SLC10A6: variants seen among roughly 807,000 people sequenced by gnomAD.
SLC10A6 encodes sodium-dependent organic anion transporter.
Under a neutral mutation model 30.0 loss-of-function variants are expected in SLC10A6, and 27 were observed. The observed-to-expected ratio is 0.90, with a 90% CI of 0.66 to 1.24. The LOEUF (loss-of-function observed/expected upper bound fraction) is 1.24. Among genes scored for constraint, SLC10A6 ranks in the 50% most tolerant of loss-of-function variants. The pLI, the probability that SLC10A6 is intolerant of heterozygous loss-of-function variation, is 0.00. For synonymous variants in SLC10A6, 166 were observed against 173.8 expected (o/e 0.95, Z 0.36); for missense variants, 439 against 457.0 (o/e 0.96, Z 0.36).
intron 3 of SLC10A6, among the ~76,000 whole-genome samples, chr4:86,829,420 T>A (rs531239207): frequency 7.3e-5 from 11 of 151,328 alleles, no homozygotes; most frequent in African/African-American, 2.4e-4. Flanking sequence ...AAAAAAAAAA[T>A]GAAAGAAAGA....
At chr4:86,831,406 C>A (rs1473124216) in intron 3 of SLC10A6, among the ~76,000 whole-genome samples, 3 of 152,196 alleles carry the variant, frequency 2.0e-5, no homozygotes, top group Non-Finnish European at 4.4e-5. Context: ...TTCCAAGAAA[C>A]CAGCCATATT....
chr4:86,839,878 T>A (rs920869788), intron 1 of SLC10A6, among the ~76,000 whole-genome samples: 28 of 151,962 alleles, frequency 1.8e-4, no homozygotes, highest in African/African-American at 6.3e-4. Context: ...CATTGAAAAA[T>A]TGATCTCACT....
At chr4:86,831,005 C>T (rs1202025945) in intron 3 of SLC10A6, among the ~76,000 whole-genome samples, 2 of 152,140 alleles carry the variant, frequency 1.3e-5, no homozygotes, top group Non-Finnish European at 2.9e-5. Context: ...TGGGGTCTCA[C>T]TCTGTGATCC....
chr4:86,849,198 G>C lies in SLC10A6; in HGVS notation c.-83C>G. The C allele has an allele frequency of 1.4e-6, 2 of 1,461,520 alleles. No individual in the cohort carries two copies. Among genetic ancestry groups the C allele is most frequent in the Non-Finnish European group, 1.8e-6 (2 of 1,084,894 alleles). The allele number at this position is 1,461,520 out of a possible 1,614,324, so 90.5% of individuals were successfully genotyped here. ...GTCTATCCTGCCACATTTTGTAATA[G>C]TGCAACGAAGTCACACATGGAGAAT... On this transcript the variant is annotated 5_prime_UTR_variant, in exon 1 of 6. Transcript: ENST00000273905.
intron 4 of SLC10A6, 25 bp downstream of exon 4, chr4:86,827,968 A>T: frequency 6.3e-7 from 1 of 1,599,232 alleles, no homozygotes; most frequent in Non-Finnish European, 8.5e-7. Flanking sequence ...TTCCTCAAAA[A>T]AGTTTATGGA....
chr4:86,843,715 C>T (rs1746345640), intron 1 of SLC10A6, among the ~76,000 whole-genome samples: 1 of 152,138 alleles, frequency 6.6e-6, no homozygotes, highest in African/African-American at 2.4e-5. Context: ...GCTCCTTGAG[C>T]AGGGACTAAA....
intron 1 of SLC10A6, among the ~76,000 whole-genome samples, chr4:86,848,342 C>G (rs1174693356): frequency 6.6e-6 from 1 of 152,126 alleles, no homozygotes; most frequent in Non-Finnish European, 1.5e-5. Context: ...TCTGACTATG[C>G]CACTGACACA....
At chr4:86,832,855 A>T (rs1360572976) in intron 2 of SLC10A6, among the ~76,000 whole-genome samples, 2 of 152,200 alleles carry the variant, frequency 1.3e-5, no homozygotes, top group Middle Eastern at 3.2e-3. Context: ...CAAGGTTCGC[A>T]GGCAATGTGA....
At chr4:86,848,206 A>G (rs1206304466) in intron 1 of SLC10A6, among the ~76,000 whole-genome samples, 1 of 152,190 alleles carries the variant, frequency 6.6e-6, no homozygotes, top group Non-Finnish European at 1.5e-5. Context: ...TCGACAAGCC[A>G]TCTCAGCACT....
In SLC10A6 at chr4:86,837,289, G is replaced by GAA. The variant is rs1560460377; in HGVS notation, c.378-3867_378-3866dup. Among the ~76,000 whole-genome samples the GAA allele has an allele frequency of 3.9e-3, 330 of 85,512 alleles. 1 individual carries two copies. Among genetic ancestry groups the GAA allele is most frequent in the Admixed American group, 6.9e-3 (50 of 7,290 alleles). The allele number at this position is 85,512 out of a possible 152,430, so 56.1% of individuals were successfully genotyped here. A position where few individuals can be genotyped will look rare whatever the true frequency, so the allele number is the denominator to read the frequency against. On this transcript the variant is annotated intron_variant, in intron 1 of 5. Coordinates refer to ENST00000273905, the MANE Select transcript of SLC10A6 (RefSeq NM_197965.3). ...AAAGAAAGAAAGAAAGAAAGAAAAA[G>GAA]AAAGGAAGGAAGGAAGGAAGGAAGG...
At chr4:86,837,808 C>G (rs1746226591) in intron 1 of SLC10A6, among the ~76,000 whole-genome samples, 1 of 152,206 alleles carries the variant, frequency 6.6e-6, no homozygotes, top group Admixed American at 6.5e-5. Context: ...CATGTACAAA[C>G]TGTTTATAGA....
intron 1 of SLC10A6, among the ~76,000 whole-genome samples, chr4:86,846,369 T>G (rs1025024921): frequency 2.6e-5 from 4 of 152,178 alleles, no homozygotes; most frequent in Non-Finnish European, 5.9e-5. Flanking sequence ...ACAACTACTA[T>G]GTACCTGGCA....
At chr4:86,841,700 G>C (rs1011990077) in intron 1 of SLC10A6, among the ~76,000 whole-genome samples, 1 of 152,254 alleles carries the variant, frequency 6.6e-6, no homozygotes, top group Admixed American at 6.5e-5. Flanking sequence ...ATAACATTTT[G>C]CAATTGGAGA....
intron 3 of SLC10A6, among the ~76,000 whole-genome samples, chr4:86,830,149 A>G (rs990440790): frequency 4.6e-5 from 7 of 152,194 alleles, no homozygotes; most frequent in Non-Finnish European, 8.8e-5. Context: ...TGATCCCAAC[A>G]CTTTGGGAGG....
chr4:86,831,543 A>G lies in SLC10A6; in HGVS notation c.585+249T>C, dbSNP rs1206522733. Among the ~76,000 whole-genome samples the G allele has an allele frequency of 7.2e-5, 11 of 152,338 alleles. No individual in the cohort carries two copies. The East Asian group carries it at 2.1e-3, about 29-fold the overall frequency. ...ACACACAGGCTTTAGCTTTCCTGAC[A>G]CTAAATCAATAGTTGCTTATTTTCC... On this transcript the variant is annotated intron_variant, in intron 3 of 5. Coordinates refer to ENST00000273905, the MANE Select transcript of SLC10A6 (RefSeq NM_197965.3).
intron 2 of SLC10A6, 102 bp from the exon 3 acceptor site, chr4:86,831,982 C>A: frequency 3.3e-6 from 3 of 908,852 alleles, no homozygotes; most frequent in Non-Finnish European, 5.3e-6. Flanking sequence ...TTTAAACTGA[C>A]ATTTTCCCAT....
intron 2 of SLC10A6, 39 bp downstream of exon 2, chr4:86,833,267 C>T: frequency 7.0e-7 from 1 of 1,438,482 alleles, no homozygotes; most frequent in African/African-American, 1.4e-5. Flanking sequence ...GTATCATCAC[C>T]ATTACTGTTA....
rs554612351 is a variant in SLC10A6, at chr4:86,827,193, C to A, written c.761+800G>T. 2.0e-5 allele frequency among the ~76,000 whole-genome samples: 3 copies of A among 152,230 alleles called. No homozygotes were observed. The South Asian group carries it at 6.2e-4, about 32-fold the overall frequency. Reference sequence around the variant, plus strand: ...ATCTTGCCATAGGAGTACTTTCTGTCCAGAGCCAATTGCATTTCAACCACT... The same window carrying A: ...ATCTTGCCATAGGAGTACTTTCTGTACAGAGCCAATTGCATTTCAACCACT... On this transcript the variant is annotated intron_variant, in intron 4 of 5. Coordinates refer to ENST00000273905, the MANE Select transcript of SLC10A6 (RefSeq NM_197965.3).
chr4:86,838,912 C>CA (rs149710895), intron 1 of SLC10A6, among the ~76,000 whole-genome samples: 12,019 of 75,102 alleles, frequency 0.16, 992 homozygotes, highest in East Asian at 0.3. Context: ...GACAGTGTCT[C>CA]AAAAAAAAAA....
Sources: gnomAD v4.1 joint callset for allele counts (sites outside exome capture counted in the v4.1 genomes callset) on GRCh38, gnomAD v4.1.1 for gene constraint, MANE v1.5 for transcripts, NCBI Gene and HGNC (gene_info 2026-07-23, HGNC 2026-07-21) for gene names.